The following SLC6A3 variants were observed in gnomAD, a reference collection of about 807,000 sequenced individuals.
SLC6A3 encodes solute carrier family 6 member 3, also known as sodium-dependent dopamine transporter.
SLC6A3 carries 19 observed loss-of-function variants against 70.4 expected under a neutral mutation model. That is an observed-to-expected ratio of 0.27 (90% confidence interval 0.19 to 0.40). SLC6A3 has a LOEUF of 0.40. Among genes scored for constraint, SLC6A3 ranks in the 10% least tolerant of loss-of-function variants. SLC6A3 has a pLI of 1.00. For synonymous variants in SLC6A3, 368 were observed against 356.6 expected (o/e 1.03, Z -0.36); for missense variants, 613 against 838.5 (o/e 0.73, Z 3.32).
chr5:1,408,067 C>T lies in SLC6A3; in HGVS notation c.1498+959G>A, dbSNP rs1466678502. Among the ~76,000 whole-genome samples, 1 of 152,012 alleles carries T rather than the reference C, an allele frequency of 6.6e-6. No individual in the cohort carries two copies. Among genetic ancestry groups the T allele is most frequent in the Admixed American group, 6.6e-5 (1 of 15,264 alleles). On this transcript the variant is annotated intron_variant, in intron 11 of 14. Coordinates refer to ENST00000270349, the MANE Select transcript of SLC6A3 (RefSeq NM_001044.5). This position sits in a 1 kb window ranked among gnomAD's most constrained non-coding sequence, Gnocchi z 6.4. ...CCAGGCTGGAGTGCAGTGGTGCAAT[C>T]TCGGGTGACTGCAACCTCCGCCTTC...
rs1464289869 is a variant in SLC6A3, at chr5:1,437,209, C to A, written c.418+4150G>T. On this transcript the variant is annotated intron_variant, in intron 3 of 14. Coordinates refer to ENST00000270349, the MANE Select transcript of SLC6A3 (RefSeq NM_001044.5). This position sits in a 1 kb window ranked among gnomAD's most constrained non-coding sequence, Gnocchi z 4.8. ...CAGGTGACAGTGAGCCAAGATCGCGCCTTTGCACTCCAGCCTGGTGACAGA... is the reference window on the plus strand; with the variant it reads ...CAGGTGACAGTGAGCCAAGATCGCGACTTTGCACTCCAGCCTGGTGACAGA... Among the ~76,000 whole-genome samples the A allele has an allele frequency of 6.6e-6, 1 of 151,054 alleles. No individual in the cohort carries two copies. Among genetic ancestry groups the A allele is most frequent in the Non-Finnish European group, 1.5e-5 (1 of 67,754 alleles).
intron 1 of SLC6A3, among the ~76,000 whole-genome samples, chr5:1,444,402 TCACACA>T (rs150594609): frequency 7.0e-6 from 1 of 143,352 alleles, no homozygotes. Flanking sequence ...ACATACACAC[TCACACA>T]CACACAGGCG....
chr5:1,405,639 A>T lies in SLC6A3; in HGVS notation c.1599+549T>A, dbSNP rs1009948953. Among the ~76,000 whole-genome samples the T allele has an allele frequency of 2.7e-5, 4 of 150,734 alleles. No individual in the cohort carries two copies. Among genetic ancestry groups the T allele is most frequent in the African/African-American group, 7.3e-5 (3 of 40,846 alleles). ...AAGTGTGCGGCCACCTTCCAACAAA[A>T]CTCTATTTACAAACACCAGCGTCCG... On this transcript the variant is annotated intron_variant, in intron 12 of 14. Coordinates refer to ENST00000270349, the MANE Select transcript of SLC6A3 (RefSeq NM_001044.5). The surrounding 1 kb of genome is among the most constrained non-coding windows in gnomAD (Gnocchi z 5.3).
rs1231307660 is a variant in SLC6A3 at position 1,393,742 on chromosome 5, T to C, written c.*993A>G. The C allele has an allele frequency of 6.9e-6, 1 of 144,758 alleles. No individual in the cohort carries two copies. The highest frequency in any genetic ancestry group is 1.5e-5 in the Non-Finnish European group (1 of 66,248). 9.0% of individuals were successfully genotyped at this position (144,758 alleles called of 1,614,324 possible). A position where few individuals can be genotyped will look rare whatever the true frequency, so the allele number is the denominator to read the frequency against. The stretch of plus-strand genomic sequence containing the variant: ...CGTCCGGTCCGGGGATAGGACACGC[T>C]CCTGTGGGGGCCCTGCATGCGTCCT... On this transcript the variant is annotated 3_prime_UTR_variant, in exon 15 of 15. Transcript: ENST00000270349.
chr5:1,422,384 A>ACGCTGCTGGGTGCCCACCGCTGCCC (rs1560918341), intron 4 of SLC6A3, among the ~76,000 whole-genome samples: 3 of 149,440 alleles, frequency 2.0e-5, no homozygotes, highest in African/African-American at 7.5e-5. Flanking sequence ...AGTGCTGCCC[A>ACGCTGCTGGGTGCCCACCGCTGCCC]AGGTGCTGGG....
chr5:1,393,010 CTG>C lies in SLC6A3; in HGVS notation c.*1723_*1724del, dbSNP rs1272231500. 1 of 151,914 alleles carries C rather than the reference CTG, an allele frequency of 6.6e-6. No homozygotes were observed. Among genetic ancestry groups the C allele is most frequent in the Non-Finnish European group, 1.5e-5 (1 of 68,060 alleles). 9.4% of individuals were successfully genotyped at this position (151,914 alleles called of 1,614,324 possible). On this transcript the variant is annotated 3_prime_UTR_variant, in exon 15 of 15. Transcript: ENST00000270349. The stretch of plus-strand genomic sequence containing the variant: ...CAGAAGGCAATGGGGAAGCCGCTCT[CTG>C]TGCTGACTGCAGCGGCCAGAAGGCG...
At chr5:1,399,488 T>C (rs775789697) in intron 14 of SLC6A3, among the ~76,000 whole-genome samples, 2 of 152,240 alleles carry the variant, frequency 1.3e-5, no homozygotes, top group Non-Finnish European at 2.9e-5. Context: ...CTGAGATTAA[T>C]GTGACAGGAA....
At chr5:1,414,572 T>C (rs1756231578) in intron 8 of SLC6A3, 119 bp downstream of exon 8, 4 of 1,159,490 alleles carry the variant, frequency 3.4e-6, no homozygotes, top group African/African-American at 1.6e-5. Context: ...GCAGCAACTC[T>C]CACTGAAGTC....
rs59958385 is a variant in SLC6A3, at chr5:1,408,610, C to A, written c.1498+416G>T. ...AGCTGCACCCCGTTCGAGCGCCGCC[C>A]GCTGATCATCAGGTCCCGACTGCTC... On this transcript the variant is annotated intron_variant, in intron 11 of 14. Coordinates refer to ENST00000270349, the MANE Select transcript of SLC6A3 (RefSeq NM_001044.5). This position sits in a 1 kb window ranked among gnomAD's most constrained non-coding sequence, Gnocchi z 6.4. 6.6e-6 allele frequency among the ~76,000 whole-genome samples: 1 copy of A among 152,130 alleles called. No individual in the cohort carries two copies. Among genetic ancestry groups the A allele is most frequent in the Non-Finnish European group, 1.5e-5 (1 of 68,038 alleles).
At chr5:1,400,732 TC>T (rs1181250544) in intron 14 of SLC6A3, among the ~76,000 whole-genome samples, 182 bp downstream of exon 14, 1 of 152,124 alleles carries the variant, frequency 6.6e-6, no homozygotes, top group Non-Finnish European at 1.5e-5. Context: ...GTGCCCCCCG[TC>T]CCGGGCACAC....
intron 4 of SLC6A3, among the ~76,000 whole-genome samples, chr5:1,426,489 G>C (rs185142911): frequency 1.3e-5 from 2 of 152,122 alleles, no homozygotes; most frequent in Non-Finnish European, 2.9e-5. Context: ...GCAGTGAGCC[G>C]TGATCATACC....
chr5:1,417,038 C>T (rs1029914706), intron 6 of SLC6A3, among the ~76,000 whole-genome samples: 1 of 151,154 alleles, frequency 6.6e-6, no homozygotes, highest in Admixed American at 6.6e-5. Flanking sequence ...CCAGCCCTAG[C>T]GGGGTCTCCA....
intron 9 of SLC6A3, among the ~76,000 whole-genome samples, chr5:1,410,441 C>T (rs544125469): frequency 2.0e-5 from 3 of 152,168 alleles, no homozygotes; most frequent in South Asian, 4.2e-4. Context: ...AGTGGGGGGC[C>T]GGGTGCATGA....
At position 1,443,222 on chromosome 5, in the gene SLC6A3, C is replaced by A; in HGVS notation, c.-25G>T. 1.2e-6 allele frequency: 2 copies of A among 1,613,290 alleles called. No individual in the cohort carries two copies. Among genetic ancestry groups the A allele is most frequent in the Non-Finnish European group, 1.7e-6 (2 of 1,179,302 alleles). ...TGGGCACACTGGGAGTTGAGGAATT[C>A]TGTGCTTCTTCCCTCTTGGTCTTCA... On this transcript the variant is annotated 5_prime_UTR_variant, in exon 2 of 15. Coordinates refer to ENST00000270349, the MANE Select transcript of SLC6A3 (RefSeq NM_001044.5).
In SLC6A3 at chr5:1,401,648, C is replaced by T. The variant is rs28363140; in HGVS notation, c.1768-662G>A. On this transcript the variant is annotated intron_variant, in intron 13 of 14. Coordinates refer to ENST00000270349, the MANE Select transcript of SLC6A3 (RefSeq NM_001044.5). This position sits in a 1 kb window ranked among gnomAD's most constrained non-coding sequence, Gnocchi z 6.1. The stretch of plus-strand genomic sequence containing the variant: ...TCACCACAATTCCACTTGTACCTGG[C>T]TCAGCTGCTGAGGTTTTACTTGGCT... Among the ~76,000 whole-genome samples, 29 of 152,222 alleles carry T rather than the reference C, an allele frequency of 1.9e-4. No homozygotes were observed. Among genetic ancestry groups the T allele is most frequent in the African/African-American group, 4.8e-4 (20 of 41,468 alleles).
In SLC6A3 at chr5:1,401,161, C is replaced by A; in HGVS notation, c.1768-175G>T. The A allele has an allele frequency of 1.4e-6, 1 of 703,428 alleles. No homozygotes were observed. The highest frequency in any genetic ancestry group is 2.6e-6 in the Non-Finnish European group (1 of 385,694). 43.6% of individuals were successfully genotyped at this position (703,428 alleles called of 1,614,324 possible). A position where few individuals can be genotyped will look rare whatever the true frequency, so the allele number is the denominator to read the frequency against. On this transcript the variant is annotated intron_variant, in intron 13 of 14. Transcript: ENST00000270349. This position sits in a 1 kb window ranked among gnomAD's most constrained non-coding sequence, Gnocchi z 6.1. ...CACCAGCGCCCACCACTGACTTACA[C>A]TGCCAGTGCCCATGCCGACCAGACA...
At chr5:1,423,230 ACGGTGCTGC>A (rs1756499923) in intron 4 of SLC6A3, among the ~76,000 whole-genome samples, 3 of 72,808 alleles carry the variant, frequency 4.1e-5, no homozygotes, top group African/African-American at 6.0e-5. Context: ...ACCGCTGCCC[ACGGTGCTGC>A]CCATGGTGCT....
intron 6 of SLC6A3, chr5:1,416,695 G>T (rs528456927): frequency 9.2e-6 from 2 of 216,862 alleles, no homozygotes; most frequent in African/African-American, 5.3e-5. Flanking sequence ...ATCCACACAC[G>T]GCATGACCGC....
At position 1,413,098 on chromosome 5, in the gene SLC6A3, T is replaced by C. The variant is rs1277651218; in HGVS notation, c.1156+1593A>G. Among the ~76,000 whole-genome samples, 1 of 152,248 alleles carries C rather than the reference T, an allele frequency of 6.6e-6. No homozygotes were observed. Among genetic ancestry groups the C allele is most frequent in the Non-Finnish European group, 1.5e-5 (1 of 68,052 alleles). On this transcript the variant is annotated intron_variant, in intron 8 of 14. Transcript: ENST00000270349. The surrounding 1 kb of genome is among the most constrained non-coding windows in gnomAD (Gnocchi z 7.1). ...CTGTAAATGACATTTACTTTGCTTG[T>C]CATGAAATGCACAGAAGAACATTCA...
Sources: gnomAD v4.1 joint callset for allele counts (sites outside exome capture counted in the v4.1 genomes callset) on GRCh38, gnomAD v4.1.1 for gene constraint, Gnocchi (gnomAD v3.1) non-coding constraint, MANE v1.5 for transcripts, NCBI Gene and HGNC (gene_info 2026-07-23, HGNC 2026-07-21) for gene names.